Variants in SLC9A9 observed in about 807,000 individuals in gnomAD.
SLC9A9 encodes the protein solute carrier family 9 member A9.
A neutral mutation model predicts 77.8 loss-of-function variants in SLC9A9; 62 were observed. The observed-to-expected ratio is 0.80, with a 90% CI of 0.65 to 0.98. SLC9A9 has a LOEUF of 0.98. Ranked by LOEUF, SLC9A9 falls within the 50% of genes least tolerant of loss-of-function variation. SLC9A9 has a pLI of 0.00. For synonymous variants in SLC9A9, 320 were observed against 283.5 expected, an observed-to-expected ratio of 1.13 and a Z score of -1.29; for missense variants, 775 against 774.9, an observed-to-expected ratio of 1.00 and a Z score of 0.00.
chr3:143,498,949 CTT>C (rs966579862), intron 9 of SLC9A9, among the ~76,000 whole-genome samples: 4 of 152,136 alleles, frequency 2.6e-5, no homozygotes, highest in Non-Finnish European at 4.4e-5. Flanking sequence ...TTAATAGACA[CTT>C]GGGTATTTTC....
intron 4 of SLC9A9, among the ~76,000 whole-genome samples, chr3:143,716,837 C>T (rs1190471823): frequency 5.3e-5 from 8 of 152,212 alleles, no homozygotes; most frequent in Middle Eastern, 3.4e-3. Context: ...TAGGATGGTA[C>T]CAATGCCGTT....
At position 143,778,560 on chromosome 3, in the gene SLC9A9, G is replaced by A. The variant is rs575876764; in HGVS notation, c.533+16441C>T. 2.6e-4 allele frequency among the ~76,000 whole-genome samples: 39 copies of A among 151,712 alleles called. No homozygotes were observed. The South Asian group carries it at 7.5e-3, about 29-fold the overall frequency. On this transcript the variant is annotated intron_variant, in intron 4 of 15. Coordinates refer to ENST00000316549, the MANE Select transcript of SLC9A9 (RefSeq NM_173653.4). The stretch of plus-strand genomic sequence containing the variant: ...CCCTTGTAATCTCATACAACTAGAA[G>A]GCAAGGAGGAAGAAAAAAAAGGAGG...
chr3:143,396,210 T>C (rs1463592667), intron 12 of SLC9A9, among the ~76,000 whole-genome samples: 1 of 152,174 alleles, frequency 6.6e-6, no homozygotes, highest in Non-Finnish European at 1.5e-5. Flanking sequence ...AAATGTTCAA[T>C]AATGATAGAC....
intron 11 of SLC9A9, among the ~76,000 whole-genome samples, chr3:143,489,199 C>G (rs1333147353): frequency 1.3e-5 from 2 of 151,728 alleles, no homozygotes; most frequent in African/African-American, 4.8e-5. Context: ...AAGACTTATA[C>G]AGTGAAAACT....
At chr3:143,361,952 G>A (rs78986929) in intron 14 of SLC9A9, among the ~76,000 whole-genome samples, 1,955 of 151,930 alleles carry the variant, frequency 0.013, 47 homozygotes, top group African/African-American at 0.045. Context: ...CTGATTTACC[G>A]TGTTCTTTCT....
At chr3:143,796,269 G>A (rs940933712) in intron 3 of SLC9A9, among the ~76,000 whole-genome samples, 1 of 152,080 alleles carries the variant, frequency 6.6e-6, no homozygotes, top group Admixed American at 6.6e-5. Flanking sequence ...GTAGTCTTGA[G>A]TTTTCACTTT....
At chr3:143,476,629 A>G (rs1236202655) in intron 11 of SLC9A9, among the ~76,000 whole-genome samples, 1 of 152,234 alleles carries the variant, frequency 6.6e-6, no homozygotes, top group Non-Finnish European at 1.5e-5. Flanking sequence ...AGGCTAACAT[A>G]GATCGGAAGA....
At chr3:143,663,822 G>A (rs937614713) in intron 5 of SLC9A9, among the ~76,000 whole-genome samples, 1 of 152,120 alleles carries the variant, frequency 6.6e-6, no homozygotes, top group African/African-American at 2.4e-5. Context: ...AACTCATATG[G>A]GATTATGTGA....
chr3:143,623,991 A>G (rs1477337119), intron 6 of SLC9A9, among the ~76,000 whole-genome samples: 1 of 152,228 alleles, frequency 6.6e-6, no homozygotes, highest in Non-Finnish European at 1.5e-5. Flanking sequence ...AAACACCTCT[A>G]TGCAAATAAA....
chr3:143,500,318 A>T (rs2035904226), intron 9 of SLC9A9, among the ~76,000 whole-genome samples: 1 of 152,036 alleles, frequency 6.6e-6, no homozygotes, highest in Non-Finnish European at 1.5e-5. Flanking sequence ...ATCTTTCCCC[A>T]TGTTATTAGG....
intron 8 of SLC9A9, among the ~76,000 whole-genome samples, chr3:143,571,675 C>T (rs80115956): frequency 9.1e-4 from 139 of 152,166 alleles, no homozygotes; most frequent in African/African-American, 3.3e-3. Context: ...CATCATGTTC[C>T]CCTTTTGGCT....
chr3:143,499,109 A>T (rs2035887564), intron 9 of SLC9A9, among the ~76,000 whole-genome samples: 3 of 152,194 alleles, frequency 2.0e-5, no homozygotes, highest in South Asian at 4.1e-4. Flanking sequence ...CATCTTGCCA[A>T]CACATTTTAC....
Position 143,495,398 on chromosome 3 carries a change from C to T in SLC9A9, c.1140G>A (p.Met380Ile). The T allele has an allele frequency of 2.5e-6, 4 of 1,614,126 alleles. No individual in the cohort carries two copies. The highest frequency in any genetic ancestry group is 3.4e-6 in the Non-Finnish European group (4 of 1,180,014). Residue 380 changes from methionine (M) to isoleucine (I), a missense_variant, in exon 10 of 16, where the codon ATG (methionine) becomes ATA (isoleucine). By Grantham distance (10) the Met-to-Ile change is conservative. Coordinates refer to ENST00000316549, the MANE Select transcript of SLC9A9 (RefSeq NM_173653.4). Reference protein sequence around the residue: ...FLAENVIFCYMGLALFTFQNH... With the variant: ...FLAENVIFCYIGLALFTFQNH... ...TCTGGAACGTGAACAGTGCCAGGCCCATGTAACAGAAGATGACGTTCTCCG... is the reference window on the plus strand; with the variant it reads ...TCTGGAACGTGAACAGTGCCAGGCCTATGTAACAGAAGATGACGTTCTCCG...
At chr3:143,798,585 C>T (rs894685119) in intron 2 of SLC9A9, among the ~76,000 whole-genome samples, 1 of 152,184 alleles carries the variant, frequency 6.6e-6, no homozygotes, top group Non-Finnish European at 1.5e-5. Flanking sequence ...CAACTCTCAC[C>T]TGACCTAAAA....
chr3:143,812,694 CTCCT>C (rs1200069805), intron 2 of SLC9A9, among the ~76,000 whole-genome samples: 1 of 152,082 alleles, frequency 6.6e-6, no homozygotes, highest in Non-Finnish European at 1.5e-5. Flanking sequence ...CATGCTTTCT[CTCCT>C]TCCTTCCTTT....
At chr3:143,746,999 G>A (rs1292361950) in intron 4 of SLC9A9, among the ~76,000 whole-genome samples, 1 of 151,882 alleles carries the variant, frequency 6.6e-6, no homozygotes, top group Non-Finnish European at 1.5e-5. Context: ...CCCCTCAAAT[G>A]CCGTAATTTA....
At chr3:143,839,487 A>G (rs2009651795) in intron 1 of SLC9A9, among the ~76,000 whole-genome samples, 1 of 97,112 alleles carries the variant, frequency 1.0e-5, no homozygotes, top group African/African-American at 4.1e-5. Flanking sequence ...TTGGTTCCCA[A>G]CAAACAACAC....
intron 9 of SLC9A9, among the ~76,000 whole-genome samples, chr3:143,540,404 T>A (rs966911790): frequency 6.6e-6 from 1 of 152,158 alleles, no homozygotes; most frequent in Non-Finnish European, 1.5e-5. Context: ...ATTAAGGCCC[T>A]CTCAGGGTTG....
At chr3:143,696,534 G>T (rs1297876253) in intron 4 of SLC9A9, among the ~76,000 whole-genome samples, 1 of 152,200 alleles carries the variant, frequency 6.6e-6, no homozygotes, top group Non-Finnish European at 1.5e-5. Context: ...CATGGCATTA[G>T]CAGAGAAATG....
Sources: allele counts gnomAD v4.1 joint callset (sites outside exome capture counted in the v4.1 genomes callset), GRCh38; gene constraint gnomAD v4.1.1; transcripts MANE v1.5; gene names NCBI Gene and HGNC (gene_info 2026-07-23, HGNC 2026-07-21).